The following GLO1 variants were observed in gnomAD, a reference collection of about 807,000 sequenced individuals.
The protein encoded by GLO1 is lactoylglutathione lyase.
Under a neutral mutation model 26.0 loss-of-function variants are expected in GLO1, and 28 were observed. The observed-to-expected ratio is 1.08, with a 90% CI of 0.80 to 1.48. The LOEUF (loss-of-function observed/expected upper bound fraction) is 1.48. Among genes scored for constraint, GLO1 ranks in the 40% most tolerant of loss-of-function variants. GLO1 has a pLI of 0.00. For synonymous variants in GLO1, 78 were observed against 77.6 expected, an observed-to-expected ratio of 1.00 and a Z score of -0.03; for missense variants, 225 against 224.8, an observed-to-expected ratio of 1.00 and a Z score of -0.01.
At chr6:38,684,001 G>A (rs1276392895) in intron 3 of GLO1, among the ~76,000 whole-genome samples, 1 of 152,200 alleles carries the variant, frequency 6.6e-6, no homozygotes, top group Non-Finnish European at 1.5e-5. Flanking sequence ...CTTGAGGCCA[G>A]GAGTTTGAGA....
At chr6:38,689,287 TA>T (rs1407856533) in intron 1 of GLO1, among the ~76,000 whole-genome samples, 2 of 152,220 alleles carry the variant, frequency 1.3e-5, no homozygotes, top group African/African-American at 4.8e-5. Context: ...TGAGATAATA[TA>T]TTTCCAACCA....
At chr6:38,678,912 G>T (rs1761318562) in intron 5 of GLO1, among the ~76,000 whole-genome samples, 1 of 152,158 alleles carries the variant, frequency 6.6e-6, no homozygotes, top group Non-Finnish European at 1.5e-5. Context: ...CCAGCCCATT[G>T]TCCTGAGATC....
At chr6:38,691,480 T>C (rs1299575321) in intron 1 of GLO1, among the ~76,000 whole-genome samples, 1 of 152,094 alleles carries the variant, frequency 6.6e-6, no homozygotes, top group Non-Finnish European at 1.5e-5. Context: ...AGCTAATTTT[T>C]ATATTTTTAG....
chr6:38,692,611 A>G (rs1761547591), intron 1 of GLO1, among the ~76,000 whole-genome samples: 1 of 152,062 alleles, frequency 6.6e-6, no homozygotes, highest in Non-Finnish European at 1.5e-5. Context: ...TCCTTGTCTT[A>G]TTACCAAAAT....
At chr6:38,680,702 C>T (rs1761359642) in intron 5 of GLO1, among the ~76,000 whole-genome samples, 1 of 152,102 alleles carries the variant, frequency 6.6e-6, no homozygotes, top group Non-Finnish European at 1.5e-5. Context: ...CAAACCTGGG[C>T]AACATAGCAG....
chr6:38,682,477 G>A (rs1761396347), intron 4 of GLO1, among the ~76,000 whole-genome samples: 1 of 152,134 alleles, frequency 6.6e-6, no homozygotes, highest in Non-Finnish European at 1.5e-5. Flanking sequence ...TTGATTGAGA[G>A]ACTGGAGATC....
chr6:38,683,102 TAAG>T, intron 3 of GLO1: 1 of 485,178 alleles, frequency 2.1e-6, no homozygotes, highest in South Asian at 3.6e-5. Flanking sequence ...AGAACAATAA[TAAG>T]AATAATAATA....
In GLO1 at chr6:38,676,353, G is replaced by A. The variant is rs1236475806; in HGVS notation, c.*942C>T. On this transcript the variant is annotated 3_prime_UTR_variant, in exon 6 of 6. Coordinates refer to ENST00000373365, the MANE Select transcript of GLO1 (RefSeq NM_006708.3). ...AACATCACTTGTGTAGGAATCACCA[G>A]GTGTCCCTAGAGCAGTTTTGTACTA... 6.6e-6 allele frequency: 1 copy of A among 152,120 alleles called. No individual in the cohort carries two copies. Among genetic ancestry groups the A allele is most frequent in the Non-Finnish European group, 1.5e-5 (1 of 68,004 alleles). The allele number at this position is 152,120 out of a possible 1,614,324, so 9.4% of individuals were successfully genotyped here. A position where few individuals can be genotyped will look rare whatever the true frequency, so the allele number is the denominator to read the frequency against.
At chr6:38,692,255 A>G (rs1014855290) in intron 1 of GLO1, among the ~76,000 whole-genome samples, 1 of 152,138 alleles carries the variant, frequency 6.6e-6, no homozygotes, top group African/African-American at 2.4e-5. Flanking sequence ...TGTCCTGTAA[A>G]TGTTTATTAG....
intron 1 of GLO1, among the ~76,000 whole-genome samples, chr6:38,690,158 C>G (rs1234659166): frequency 6.6e-6 from 1 of 152,166 alleles, no homozygotes; most frequent in Non-Finnish European, 1.5e-5. Context: ...GATTTATGTA[C>G]AAAGGCATCC....
chr6:38,702,131 C>G (rs1761712190), intron 1 of GLO1, among the ~76,000 whole-genome samples: 1 of 152,060 alleles, frequency 6.6e-6, no homozygotes, highest in Admixed American at 6.5e-5. Context: ...CGGGGTTTCA[C>G]CGTGTTAGGA....
At chr6:38,683,024 A>G in intron 3 of GLO1, 149 bp from the exon 4 acceptor site, 1 of 580,722 alleles carries the variant, frequency 1.7e-6, no homozygotes. Flanking sequence ...TTTCAACTAT[A>G]GAAAGGACAA....
At chr6:38,689,462 T>C (rs1377681239) in intron 1 of GLO1, among the ~76,000 whole-genome samples, 1 of 152,226 alleles carries the variant, frequency 6.6e-6, no homozygotes, top group Non-Finnish European at 1.5e-5. Flanking sequence ...ACTTTATCAT[T>C]ACTTCTGTTC....
chr6:38,682,916 A>T (rs200531171), intron 3 of GLO1, 41 bp from the exon 4 acceptor site: 466 of 1,131,812 alleles, frequency 4.1e-4, no homozygotes, highest in Middle Eastern at 2.9e-3. Context: ...GTCCTAGGGA[A>T]TAGATATTCT....
chr6:38,694,929 T>A (rs1344866920), intron 1 of GLO1, among the ~76,000 whole-genome samples: 1 of 152,248 alleles, frequency 6.6e-6, no homozygotes, highest in Admixed American at 6.5e-5. Context: ...TCCTGCTTTC[T>A]TTTGATGAAT....
At chr6:38,687,066 T>C (rs1761470601) in intron 1 of GLO1, 92 bp from the exon 2 acceptor site, 6 of 1,510,058 alleles carry the variant, frequency 4.0e-6, no homozygotes, top group African/African-American at 1.4e-5. Flanking sequence ...CAAACACAAT[T>C]GTTAACCTAC....
intron 1 of GLO1, among the ~76,000 whole-genome samples, chr6:38,696,920 CT>C (rs71744977): frequency 0.095 from 13,329 of 139,882 alleles, 1,199 homozygotes; most frequent in African/African-American, 0.25. Flanking sequence ...AAGCCTTCTT[CT>C]TTTTTTTTTT....
At chr6:38,685,018 G>C (rs1472200543) in intron 2 of GLO1, among the ~76,000 whole-genome samples, 1 of 152,194 alleles carries the variant, frequency 6.6e-6, no homozygotes, top group African/African-American at 2.4e-5. Flanking sequence ...CAGAAGACGT[G>C]AATGTCAACA....
At chr6:38,679,427 G>A (rs1363521113) in intron 5 of GLO1, among the ~76,000 whole-genome samples, 1 of 151,970 alleles carries the variant, frequency 6.6e-6, no homozygotes, top group African/African-American at 2.4e-5. Flanking sequence ...CCAATCCTCT[G>A]CCTCGGCCTC....
Sources: gnomAD v4.1 joint callset for allele counts (sites outside exome capture counted in the v4.1 genomes callset) on GRCh38, gnomAD v4.1.1 for gene constraint, MANE v1.5 for transcripts, NCBI Gene and HGNC (gene_info 2026-07-23, HGNC 2026-07-21) for gene names.